PIN4: variants seen among roughly 807,000 people sequenced by gnomAD.
PIN4 encodes peptidylprolyl cis/trans isomerase, NIMA-interacting 4.
PIN4 carries 3 observed loss-of-function variants against 8.3 expected under a neutral mutation model. That is an observed-to-expected ratio of 0.36 (90% CI 0.16 to 0.93). The LOEUF (loss-of-function observed/expected upper bound fraction) is 0.93. PIN4 is among the 40% of genes least tolerant of loss of function. The pLI is 0.44. For synonymous variants in PIN4, 18 were observed against 32.5 expected (o/e 0.55, Z 1.52); for missense variants, 75 against 100.6 (o/e 0.75, Z 1.09).
chrX:72,253,699 C>A (rs1020015383), intron 3 of PIN4, among the ~76,000 whole-genome samples: 1 of 109,748 alleles, frequency 9.1e-6, no homozygotes, highest in Non-Finnish European at 1.9e-5. Flanking sequence ...CTTTGGCAAG[C>A]TGAAGTGGGA....
At chrX:72,219,847 C>CAAAA (rs55860938) in intron 3 of PIN4, among the ~76,000 whole-genome samples, 1 of 64,998 alleles carries the variant, frequency 1.5e-5, no homozygotes, top group Non-Finnish European at 3.1e-5. Context: ...GACTCCGTCT[C>CAAAA]AAAAAAAAAA....
intron 2 of PIN4, among the ~76,000 whole-genome samples, chrX:72,192,542 G>A (rs373975750): frequency 2.7e-5 from 3 of 111,253 alleles, no homozygotes; most frequent in African/African-American, 9.8e-5. Context: ...GTTAGCACAC[G>A]CTTCTCTCCT....
chrX:72,203,490 TGTG>T (rs1473967609), intron 3 of PIN4, among the ~76,000 whole-genome samples: 1 of 111,219 alleles, frequency 9.0e-6, no homozygotes. Context: ...CCCTTAAACT[TGTG>T]GAGTCTGATG....
At chrX:72,261,620 A>G (rs191354311) in intron 3 of PIN4, among the ~76,000 whole-genome samples, 1 of 112,307 alleles carries the variant, frequency 8.9e-6, no homozygotes, top group East Asian at 2.8e-4. Context: ...GAGGGCATGT[A>G]ACCTGCTCAA....
At chrX:72,255,424 C>T (rs2043106609) in intron 3 of PIN4, among the ~76,000 whole-genome samples, 1 of 109,400 alleles carries the variant, frequency 9.1e-6, no homozygotes, top group Admixed American at 9.8e-5. Context: ...CCCGTGTCAC[C>T]GACAGGGAAA....
intron 3 of PIN4, among the ~76,000 whole-genome samples, chrX:72,222,706 T>G (rs2042931393): frequency 9.4e-6 from 1 of 106,835 alleles, no homozygotes; most frequent in African/African-American, 3.4e-5. Context: ...CAAGCGATTC[T>G]CCTGCCTCAG....
chrX:72,198,137 G>A lies in PIN4; in HGVS notation c.*611G>A, dbSNP rs752296762. 4.0e-5 allele frequency: 30 copies of A among 744,681 alleles called. No homozygotes were observed. The highest frequency in any genetic ancestry group is 4.7e-5 in the Non-Finnish European group (30 of 631,729). 61.4% of individuals were successfully genotyped at this position (744,681 alleles called of 1,213,427 possible). A position where few individuals can be genotyped will look rare whatever the true frequency, so the allele number is the denominator to read the frequency against. ...TTTTGTACTAGACTAACCGAGTGCTGGTTAAAGGGAGGGATGTCAGCATAA... is the reference window on the plus strand; with the variant it reads ...TTTTGTACTAGACTAACCGAGTGCTAGTTAAAGGGAGGGATGTCAGCATAA... On this transcript the variant is annotated 3_prime_UTR_variant, in exon 4 of 4. Coordinates refer to ENST00000373669, the MANE Select transcript of PIN4 (RefSeq NM_006223.4).
intron 3 of PIN4, chrX:72,208,295 T>C (rs1222803231): frequency 8.3e-7 from 1 of 1,212,114 alleles, no homozygotes; most frequent in Admixed American, 2.2e-5. Flanking sequence ...ACCCATGTGT[T>C]AATAAGATTG....
At chrX:72,209,615 C>T (rs918320943) in intron 3 of PIN4, among the ~76,000 whole-genome samples, 1 of 111,479 alleles carries the variant, frequency 9.0e-6, no homozygotes, top group Non-Finnish European at 1.9e-5. Context: ...CACCTTCTTT[C>T]CATCTCTACT....
intron 3 of PIN4, chrX:72,206,646 G>A (rs776513413): frequency 5.0e-6 from 6 of 1,209,459 alleles, no homozygotes; most frequent in African/African-American, 1.8e-5. Context: ...CGAATTCAAC[G>A]AGGAATTGAG....
intron 3 of PIN4, among the ~76,000 whole-genome samples, chrX:72,246,352 T>C (rs1011236030): frequency 2.7e-5 from 3 of 111,725 alleles, no homozygotes; most frequent in African/African-American, 9.8e-5. Context: ...CACCATTCTG[T>C]CTCACTTGGA....
At chrX:72,238,948 T>TTTGGAGCTTGGAGC (rs749542997) in intron 3 of PIN4, 21,961 of 1,113,125 alleles carry the variant, frequency 0.02, 339 homozygotes, top group Non-Finnish European at 0.02. Context: ...CCGGCGGGAG[T>TTTGGAGCTTGGAGC]TTGGAGCTTG....
chrX:72,247,914 G>A lies in PIN4; in HGVS notation c.313-14793G>A, dbSNP rs5958826. 5.9e-3 allele frequency among the ~76,000 whole-genome samples: 659 copies of A among 111,599 alleles called. 5 individuals carry two copies. Among genetic ancestry groups the A allele is most frequent in the African/African-American group, 0.021 (641 of 30,803 alleles). On this transcript the variant is annotated intron_variant, in intron 3 of 3. Transcript: ENST00000423432. Reference sequence around the variant, plus strand: ...TGTGGAAGGAAGGGGCAGGTATATGGCACTAGGGCACATTGAGGGTATGGC... The same window carrying A: ...TGTGGAAGGAAGGGGCAGGTATATGACACTAGGGCACATTGAGGGTATGGC...
At chrX:72,242,071 A>G (rs1375048934) in intron 3 of PIN4, among the ~76,000 whole-genome samples, 2 of 111,564 alleles carry the variant, frequency 1.8e-5, no homozygotes, top group African/African-American at 6.5e-5. Context: ...ATCATCGCTC[A>G]TATCCGGGGA....
At chrX:72,261,546 C>A (rs945491180) in intron 3 of PIN4, among the ~76,000 whole-genome samples, 1 of 111,561 alleles carries the variant, frequency 9.0e-6, no homozygotes, top group African/African-American at 3.3e-5. Context: ...CTTCAACTTT[C>A]TCATTTGCAA....
In PIN4 at chrX:72,205,164, C is replaced by T. The variant is rs751243213; in HGVS notation, c.312+8260C>T. Reference sequence around the variant, plus strand: ...GTTCTTTTCCACGCTTTACAAGAGTCTCATAGTCATTTGTAGCCTCTGCCG... The same window carrying T: ...GTTCTTTTCCACGCTTTACAAGAGTTTCATAGTCATTTGTAGCCTCTGCCG... On this transcript the variant is annotated intron_variant, in intron 3 of 3. Transcript: ENST00000423432. 15 of 1,210,044 alleles carry T rather than the reference C, an allele frequency of 1.2e-5. No homozygotes were observed. The East Asian group carries it at 3.3e-4, about 26-fold the overall frequency.
chrX:72,183,535 G>A (rs964972194), intron 1 of PIN4, among the ~76,000 whole-genome samples: 28 of 111,042 alleles, frequency 2.5e-4, no homozygotes, highest in Non-Finnish European at 1.9e-5. Context: ...AAAGAGAGAG[G>A]GTATAGTCTA....
At chrX:72,202,291 A>ATT (rs1365440389), downstream of PIN4, among the ~76,000 whole-genome samples, 2 of 112,370 alleles carry the variant, frequency 1.8e-5, no homozygotes, top group African/African-American at 6.5e-5. Context: ...ATGAGCATGT[A>ATT]TTTTTTTCCC....
intron 3 of PIN4, among the ~76,000 whole-genome samples, chrX:72,231,795 A>T (rs2042984971): frequency 8.9e-6 from 1 of 112,038 alleles, no homozygotes. Flanking sequence ...TTTTTTCACC[A>T]CAAAGAAATG....
Sources: gnomAD v4.1 joint callset for allele counts (sites outside exome capture counted in the v4.1 genomes callset) on GRCh38, gnomAD v4.1.1 for gene constraint, MANE v1.5 for transcripts, NCBI Gene and HGNC (gene_info 2026-07-23, HGNC 2026-07-21) for gene names.